Variants in APBA2 observed in about 807,000 individuals in gnomAD.
APBA2 encodes amyloid-beta A4 precursor protein-binding family A member 2.
Under a neutral mutation model 75.0 loss-of-function variants are expected in APBA2, and 30 were observed. The observed-to-expected ratio is 0.40, with a 90% CI of 0.30 to 0.54. The LOEUF is 0.54. Ranked by LOEUF, APBA2 falls within the 20% of genes least tolerant of loss-of-function variation. APBA2 has a pLI of 0.49. For missense variants in APBA2, 801 were observed against 1,016.1 expected, an observed-to-expected ratio of 0.79 and a Z score of 2.88; for synonymous variants, 444 against 409.6, an observed-to-expected ratio of 1.08 and a Z score of -1.01.
chr15:29,012,925 G>A (rs1203888291), intron 3 of APBA2, among the ~76,000 whole-genome samples: 1 of 152,098 alleles, frequency 6.6e-6, no homozygotes, highest in African/African-American at 2.4e-5. Flanking sequence ...ATGCCTTGAC[G>A]AGAAAAGCAG....
At chr15:29,075,272 TG>T in intron 5 of APBA2, among the ~76,000 whole-genome samples, 1 of 151,956 alleles carries the variant, frequency 6.6e-6, no homozygotes, top group African/African-American at 2.4e-5. Flanking sequence ...TGTGTGGGGG[TG>T]GGGGACCATT....
intron 2 of APBA2, among the ~76,000 whole-genome samples, chr15:28,969,152 CTT>C (rs2036913010): frequency 3.9e-5 from 3 of 76,148 alleles, no homozygotes; most frequent in Non-Finnish European, 5.9e-5. Context: ...TTCTTTCTTT[CTT>C]TCTTTCTTTC....
intron 3 of APBA2, among the ~76,000 whole-genome samples, chr15:29,015,044 G>A (rs2039590772): frequency 1.3e-5 from 2 of 152,052 alleles, no homozygotes. Context: ...AGGTTGTGTT[G>A]CAGATGAGCT....
intron 2 of APBA2, among the ~76,000 whole-genome samples, chr15:28,939,344 C>T (rs959665894): frequency 6.6e-6 from 1 of 151,954 alleles, no homozygotes; most frequent in African/African-American, 2.4e-5. Context: ...TCCCTGAGTC[C>T]CTTCTTTCAG....
intron 2 of APBA2, among the ~76,000 whole-genome samples, chr15:28,937,603 C>T (rs541311017): frequency 7.2e-5 from 11 of 152,250 alleles, no homozygotes; most frequent in African/African-American, 1.2e-4. Context: ...TCTCCCACTC[C>T]GGGCTTCAGG....
At chr15:28,902,210 C>T (rs189406891) in intron 1 of APBA2, among the ~76,000 whole-genome samples, 5 of 152,152 alleles carry the variant, frequency 3.3e-5, no homozygotes, top group African/African-American at 1.2e-4. Context: ...CCACAGTTGG[C>T]GCCAACAGCA....
intron 13 of APBA2, among the ~76,000 whole-genome samples, chr15:29,109,658 AT>A (rs2044624844): frequency 6.6e-6 from 1 of 152,162 alleles, no homozygotes; most frequent in African/African-American, 2.4e-5. Flanking sequence ...CCACGGACCC[AT>A]GGGGAGGCTG....
At chr15:29,062,586 G>A (rs2042177021) in intron 4 of APBA2, among the ~76,000 whole-genome samples, 1 of 152,126 alleles carries the variant, frequency 6.6e-6, no homozygotes, top group South Asian at 2.1e-4. Context: ...TTTTCAGGGA[G>A]CAGTTTATCT....
chr15:28,914,796 G>T (rs1189523518), intron 1 of APBA2, among the ~76,000 whole-genome samples: 1 of 151,940 alleles, frequency 6.6e-6, no homozygotes, highest in Non-Finnish European at 1.5e-5. Flanking sequence ...TGCATTCAGG[G>T]TTCTGAGCTG....
At chr15:29,094,897 C>T (rs2043774454) in intron 8 of APBA2, among the ~76,000 whole-genome samples, 1 of 54,188 alleles carries the variant, frequency 1.8e-5, no homozygotes, top group East Asian at 8.1e-4. Context: ...CCTGTCTCCA[C>T]AACTTTTTTT....
intron 3 of APBA2, among the ~76,000 whole-genome samples, chr15:29,045,847 A>G (rs1218192298): frequency 6.6e-6 from 1 of 152,214 alleles, no homozygotes; most frequent in African/African-American, 2.4e-5. Context: ...ATGTGCCCTC[A>G]GAAACAGTCA....
At chr15:28,892,355 G>A (rs1367748204) in intron 1 of APBA2, among the ~76,000 whole-genome samples, 3 of 152,104 alleles carry the variant, frequency 2.0e-5, no homozygotes, top group Admixed American at 6.5e-5. Context: ...GATTACAGGC[G>A]TGAGCCACCA....
Position 28,893,015 on chromosome 15 carries a change from A to C in APBA2, c.-205+6737A>C, listed in dbSNP as rs149357207. 5.5e-3 allele frequency among the ~76,000 whole-genome samples: 836 copies of C among 152,342 alleles called. 10 individuals carry two copies. The highest frequency in any genetic ancestry group is 0.019 in the African/African-American group (798 of 41,562). On this transcript the variant is annotated intron_variant, in intron 1 of 14. Transcript: ENST00000683413. ...AGTCTTTTGCTGTAATAAGTGAGCC[A>C]TGTGCTCTAGCATCTGTCTGGATTA...
intron 2 of APBA2, among the ~76,000 whole-genome samples, chr15:28,949,033 C>T (rs531237058): frequency 6.6e-5 from 10 of 151,892 alleles, no homozygotes; most frequent in South Asian, 2.1e-4. Flanking sequence ...GGTTTGGCTT[C>T]GCTTTTAGTT....
chr15:29,027,844 G>A (rs1595765938), intron 3 of APBA2, among the ~76,000 whole-genome samples: 1 of 152,000 alleles, frequency 6.6e-6, no homozygotes, highest in South Asian at 2.1e-4. Flanking sequence ...CTCATGATCC[G>A]CCCACCTTGA....
intron 1 of APBA2, among the ~76,000 whole-genome samples, chr15:28,901,676 C>A (rs2032862206): frequency 6.6e-6 from 1 of 152,106 alleles, no homozygotes; most frequent in African/African-American, 2.4e-5. Flanking sequence ...TGTGCCGTGG[C>A]CACACCCCTG....
intron 2 of APBA2, among the ~76,000 whole-genome samples, chr15:28,985,287 G>C (rs2037860366): frequency 6.6e-6 from 1 of 152,200 alleles, no homozygotes; most frequent in South Asian, 2.1e-4. Context: ...AATGCTTTCA[G>C]ATCAGGCTCC....
intron 1 of APBA2, among the ~76,000 whole-genome samples, chr15:28,917,951 A>T (rs889923973): frequency 6.6e-6 from 1 of 152,150 alleles, no homozygotes; most frequent in South Asian, 2.1e-4. Context: ...TTCTGGTCTC[A>T]GCAGCCTCCC....
At chr15:29,001,159 G>A (rs1383811075) in intron 3 of APBA2, among the ~76,000 whole-genome samples, 1 of 152,030 alleles carries the variant, frequency 6.6e-6, no homozygotes, top group Non-Finnish European at 1.5e-5. Flanking sequence ...CATGTACAGT[G>A]GATGCTCAAG....
Sources: allele counts gnomAD v4.1 joint callset (sites outside exome capture counted in the v4.1 genomes callset), GRCh38; gene constraint gnomAD v4.1.1; transcripts MANE v1.5; gene names NCBI Gene and HGNC (gene_info 2026-07-23, HGNC 2026-07-21).